The following CDH13 variants were observed in gnomAD, a reference collection of about 807,000 sequenced individuals.
CDH13 encodes cadherin 13.
In CDH13, 24 loss-of-function variants were observed where a neutral mutation model predicts 63.8. The observed-to-expected ratio is 0.38, with a 90% CI of 0.27 to 0.53. CDH13 has a LOEUF of 0.53. Ranked by LOEUF, CDH13 falls within the 20% of genes least tolerant of loss-of-function variation. The probability of loss-of-function intolerance (pLI) is 0.85; values close to 1 mark genes in which losing one functional copy is unlikely to be tolerated. For missense variants in CDH13, 1,049 were observed against 903.1 expected (o/e 1.16, Z -2.07); for synonymous variants, 503 against 355.3 (o/e 1.42, Z -4.67).
intron 8 of CDH13, among the ~76,000 whole-genome samples, chr16:83,603,296 C>T (rs965612776): frequency 6.6e-6 from 1 of 152,190 alleles, no homozygotes; most frequent in African/African-American, 2.4e-5. Context: ...GGATTTGATG[C>T]CCTTCTTACT....
chr16:82,733,542 G>A (rs1417565241), intron 1 of CDH13, among the ~76,000 whole-genome samples: 2 of 152,106 alleles, frequency 1.3e-5, no homozygotes, highest in Non-Finnish European at 2.9e-5. Context: ...GACTGGTTCT[G>A]TGCTGAGTGT....
intron 5 of CDH13, among the ~76,000 whole-genome samples, chr16:83,261,131 C>T (rs62040398): frequency 0.068 from 10,358 of 152,162 alleles, 487 homozygotes; most frequent in East Asian, 0.23. Flanking sequence ...GACTGACCCA[C>T]CAAGACTTTG....
intron 1 of CDH13, among the ~76,000 whole-genome samples, chr16:82,671,428 C>G (rs190259837): frequency 6.6e-6 from 1 of 152,152 alleles, no homozygotes; most frequent in Admixed American, 6.5e-5. Flanking sequence ...GGAGTAATTC[C>G]TTAAGCAAAA....
chr16:83,460,931 G>A (rs2073160515), intron 6 of CDH13, among the ~76,000 whole-genome samples: 5 of 150,564 alleles, frequency 3.3e-5, no homozygotes, highest in Admixed American at 3.3e-4. Flanking sequence ...AGGTTGCTGT[G>A]ATCACTCCAC....
chr16:83,533,554 A>C (rs1457430096), intron 7 of CDH13, among the ~76,000 whole-genome samples: 1 of 151,930 alleles, frequency 6.6e-6, no homozygotes, highest in African/African-American at 2.4e-5. Flanking sequence ...AGGTGGTGGA[A>C]TGGCACGGCC....
chr16:83,472,440 G>A (rs2073480514), intron 6 of CDH13, among the ~76,000 whole-genome samples: 1 of 152,192 alleles, frequency 6.6e-6, no homozygotes, highest in Non-Finnish European at 1.5e-5. Flanking sequence ...GGGGAGAGCA[G>A]GAGCCATGAT....
chr16:83,477,336 G>A (rs2073631367), intron 6 of CDH13, among the ~76,000 whole-genome samples: 1 of 152,214 alleles, frequency 6.6e-6, no homozygotes, highest in Non-Finnish European at 1.5e-5. Flanking sequence ...AAAGTGGAGA[G>A]GAGAAGCGAA....
At chr16:83,142,663 A>G (rs2036582577) in intron 4 of CDH13, among the ~76,000 whole-genome samples, 1 of 152,218 alleles carries the variant, frequency 6.6e-6, no homozygotes, top group African/African-American at 2.4e-5. Context: ...GCAAACCCCA[A>G]GATAGCAGAA....
chr16:83,560,906 C>CT (rs1309793972), intron 7 of CDH13, among the ~76,000 whole-genome samples: 1 of 151,866 alleles, frequency 6.6e-6, no homozygotes. Context: ...TTGGCCCCCC[C>CT]CCCGCCCCAG....
chr16:83,072,242 T>A (rs2032491825), intron 3 of CDH13, among the ~76,000 whole-genome samples: 1 of 152,214 alleles, frequency 6.6e-6, no homozygotes, highest in African/African-American at 2.4e-5. Flanking sequence ...AAGATGCGGT[T>A]AAAGAAACCA....
chr16:83,577,064 A>G (rs1229718319), intron 7 of CDH13, among the ~76,000 whole-genome samples: 1 of 152,226 alleles, frequency 6.6e-6, no homozygotes, highest in Non-Finnish European at 1.5e-5. Flanking sequence ...AAGGACTCCC[A>G]TATGCAATTA....
chr16:82,788,414 C>G (rs1334456765), intron 1 of CDH13, among the ~76,000 whole-genome samples: 1 of 152,188 alleles, frequency 6.6e-6, no homozygotes, highest in Non-Finnish European at 1.5e-5. Flanking sequence ...CCACGTGACT[C>G]TTAACAGGTA....
intron 7 of CDH13, among the ~76,000 whole-genome samples, chr16:83,542,775 T>C (rs7204546): frequency 0.014 from 2,162 of 152,340 alleles, 43 homozygotes; most frequent in African/African-American, 0.05. Context: ...TTGTTTTCCT[T>C]GTCTGAACAT....
intron 5 of CDH13, among the ~76,000 whole-genome samples, chr16:83,326,032 G>A (rs1454050245): frequency 1.3e-5 from 2 of 152,136 alleles, no homozygotes; most frequent in Non-Finnish European, 2.9e-5. Context: ...CAGGCAAGCA[G>A]ATGATAGAAT....
chr16:83,778,035 A>G (rs247400), intron 11 of CDH13, among the ~76,000 whole-genome samples: 70,490 of 152,074 alleles, frequency 0.46, 16,996 homozygotes, highest in East Asian at 0.64. Context: ...GCTTCAAATT[A>G]TTTTGGGAAT....
intron 4 of CDH13, among the ~76,000 whole-genome samples, chr16:83,212,577 T>G (rs77719800): frequency 0.014 from 2,111 of 152,308 alleles, 30 homozygotes; most frequent in Middle Eastern, 0.027. Context: ...GTTAGTGTTA[T>G]ATGTTTAAAA....
intron 2 of CDH13, among the ~76,000 whole-genome samples, chr16:82,971,118 C>T (rs577564048): frequency 6.6e-6 from 1 of 152,296 alleles, no homozygotes; most frequent in East Asian, 1.9e-4. Context: ...CAACCAAAGA[C>T]CAGCAGGAGC....
At chr16:83,568,034 C>T (rs969840303) in intron 7 of CDH13, among the ~76,000 whole-genome samples, 2 of 152,154 alleles carry the variant, frequency 1.3e-5, no homozygotes, top group Admixed American at 6.5e-5. Flanking sequence ...CCTCCAAACC[C>T]AGCTCACAAG....
chr16:83,766,999 G>C (rs572826591), intron 11 of CDH13, among the ~76,000 whole-genome samples: 1 of 152,042 alleles, frequency 6.6e-6, no homozygotes, highest in African/African-American at 2.4e-5. Flanking sequence ...AACTCGGAAC[G>C]GTGAGTCAAT....
Sources: allele counts gnomAD v4.1 joint callset (sites outside exome capture counted in the v4.1 genomes callset), GRCh38; gene constraint gnomAD v4.1.1; transcripts MANE v1.5; gene names NCBI Gene and HGNC (gene_info 2026-07-23, HGNC 2026-07-21).